Variants in NUMA1 observed in about 807,000 individuals in gnomAD.
NUMA1 encodes nuclear mitotic apparatus protein 1.
Under a neutral mutation model 237.1 loss-of-function variants are expected in NUMA1, and 62 were observed. The ratio of observed to expected loss-of-function variants is 0.26; its 90% CI spans 0.21 to 0.32. The LOEUF is 0.32. NUMA1 is among the 10% of genes least tolerant of loss of function. NUMA1 has a pLI of 1.00. For missense variants in NUMA1, 2,533 were observed against 2,666.5 expected, an observed-to-expected ratio of 0.95 and a Z score of 1.10; for synonymous variants, 1,028 against 1,066.1, an observed-to-expected ratio of 0.96 and a Z score of 0.70.
chr11:72,014,031 C>A lies in NUMA1; in HGVS notation c.3472G>T (p.Ala1158Ser), dbSNP rs780335272. ...GTCTCCAGAGCACTGTCCCGCTCAG[C>A]CCGGGAGGCCCGCTCAGCCTCGAGG... is the stretch of plus-strand genomic sequence containing the variant. ...RSLEAERASR[A>S]ERDSALETLQ... is the part of the protein sequence containing the mutation. The change falls in exon 15 of 27, where the codon GCT (alanine) becomes TCT (serine). Residue 1158 changes from alanine to serine, a missense_variant. Physicochemically the swap from Ala to Ser is moderately conservative, Grantham distance 99. Transcript: ENST00000393695. This position sits in a 1 kb window ranked among gnomAD's most constrained non-coding sequence, Gnocchi z 4.6. 2 of 1,611,284 alleles carry A rather than the reference C, an allele frequency of 1.2e-6. No individual in the cohort carries two copies. The highest frequency in any genetic ancestry group is 1.3e-5 in the African/African-American group (1 of 75,042).
chr11:72,048,173 C>T (rs4945435), intron 2 of NUMA1, among the ~76,000 whole-genome samples: 132,210 of 152,116 alleles, frequency 0.87, 57,972 homozygotes, highest in Non-Finnish European at 0.95. Context: ...CTCCGCTCAC[C>T]GCAACCTCTG....
chr11:72,037,942 T>C (rs1306560167), intron 2 of NUMA1, among the ~76,000 whole-genome samples: 2 of 152,162 alleles, frequency 1.3e-5, no homozygotes, highest in African/African-American at 2.4e-5. Context: ...CCCCAACTAC[T>C]GCACTGCAAT....
intron 16 of NUMA1, among the ~76,000 whole-genome samples, chr11:72,011,227 C>T (rs1034973152): frequency 2.0e-5 from 3 of 152,224 alleles, no homozygotes; most frequent in African/African-American, 7.2e-5. Context: ...AGGACCTAGT[C>T]TGTAATTCTA....
In NUMA1 at chr11:72,008,965, AC is replaced by A. The variant is rs752319554; in HGVS notation, c.5058+1del. ...AGGTGAGTCTGCCAGCCAAATTCTT[AC>A]CTGTGCCTCCAGGCTGCGCACCTGG... is the stretch of plus-strand genomic sequence containing the variant. On this transcript the variant is annotated splice_donor_variant, in intron 19 of 26. Transcript: ENST00000393695. LOFTEE classifies it high-confidence loss of function. The A allele has an allele frequency of 6.2e-7, 1 of 1,613,808 alleles. No individual in the cohort carries two copies. The highest frequency in any genetic ancestry group is 1.1e-5 in the South Asian group (1 of 91,074).
At chr11:72,047,852 T>A (rs1942088894) in intron 2 of NUMA1, 1 of 152,212 alleles carries the variant, frequency 6.6e-6, no homozygotes, top group Admixed American at 6.5e-5. Context: ...TATTTTACTT[T>A]ATTTTTTTAA....
intron 2 of NUMA1, chr11:72,042,213 A>C (rs1941727198): frequency 1.3e-5 from 2 of 152,456 alleles, no homozygotes; most frequent in South Asian, 4.1e-4. Context: ...CCAAGGCTGA[A>C]AGGGAAGCCC....
rs1353729709 is a variant in NUMA1, at chr11:72,014,119, C to T, written c.3384G>A (p.Glu1128=). ...GGCATTGCTGTTCCAGCTTGCTCAC[C>T]TCTGCCCGCAGTGCCTCCAGCTTGG... ...TGPKLEALRA[E]VSKLEQQCQK... is the part of the protein sequence containing the mutation. The change falls in exon 15 of 27, where the codon GAG becomes GAA. Residue 1128 remains glutamate (E), a synonymous_variant. Transcript: ENST00000393695. The surrounding 1 kb of genome is among the most constrained non-coding windows in gnomAD (Gnocchi z 4.6). 1 of 1,612,028 alleles carries T rather than the reference C, an allele frequency of 6.2e-7. No homozygotes were observed. Among genetic ancestry groups the T allele is most frequent in the South Asian group, 1.1e-5 (1 of 91,094 alleles).
chr11:72,031,972 TAAAAAA>T (rs34502837), intron 3 of NUMA1, among the ~76,000 whole-genome samples: 1 of 67,738 alleles, frequency 1.5e-5, no homozygotes, highest in Non-Finnish European at 3.5e-5. Flanking sequence ...CCCAAAAAAT[TAAAAAA>T]AAAAAAAAAA....
intron 2 of NUMA1, among the ~76,000 whole-genome samples, chr11:72,049,258 C>T (rs1291624025): frequency 6.6e-6 from 1 of 151,968 alleles, no homozygotes; most frequent in African/African-American, 2.4e-5. Flanking sequence ...AGGGGGAATA[C>T]TCTTACTGGA....
At chr11:72,012,810 GC>G (rs1238400451) in intron 15 of NUMA1, 84 bp downstream of exon 15, 1 of 1,532,276 alleles carries the variant, frequency 6.5e-7, no homozygotes, top group Non-Finnish European at 8.8e-7. Flanking sequence ...CAGTGTAGGA[GC>G]TAGAGGCCCT....
intron 2 of NUMA1, among the ~76,000 whole-genome samples, chr11:72,064,879 G>GC (rs1272482412): frequency 5.3e-5 from 8 of 152,092 alleles, no homozygotes; most frequent in Admixed American, 2.6e-4. Context: ...TTATGGTATG[G>GC]CCCCATTTTT....
intron 2 of NUMA1, among the ~76,000 whole-genome samples, chr11:72,055,340 G>C (rs1942578032): frequency 6.6e-6 from 1 of 152,090 alleles, no homozygotes; most frequent in South Asian, 2.1e-4. Flanking sequence ...ATGAAGTCCA[G>C]AAAAGTTAAG....
rs753935769 is a variant in NUMA1 at position 72,016,497 on chromosome 11, C to G, written c.1153G>C (p.Gly385Arg). The G allele has an allele frequency of 7.4e-6, 12 of 1,613,888 alleles. No individual in the cohort carries two copies. In the East Asian group the frequency reaches 1.8e-4, roughly 24 times the overall value. Residue 385 changes from glycine (G) to arginine (R), a missense_variant, in exon 14 of 27, where the codon GGA (glycine) becomes CGA (arginine). By Grantham distance (125) the Gly-to-Arg change is moderately radical (BLOSUM62 -2). Transcript: ENST00000393695. The stretch of plus-strand genomic sequence containing the variant: ...TGTTCTTCCAGCTGTGAAAGTTTTC[C>G]CTGAAGGATTTCGTTCTTCTCTTCA... ...CLEEKNEILQ[G>R]KLSQLEEHLS... is the part of the protein sequence containing the mutation.
chr11:72,008,716 C>T lies in NUMA1; in HGVS notation c.5188G>A (p.Glu1730Lys), dbSNP rs1407048322. ...GTGATACTGAGTGGGGTCCCCTCCT[C>T]GCAGCTCAGATCCAGGCTGTCAATA... ...LSIDSLDLSC[E>K]EGTPLSITSK... The change falls in exon 20 of 27, where the codon GAG becomes AAG. Residue 1730 changes from glutamate (E) to lysine (K), a missense_variant. By Grantham distance (56) the Glu-to-Lys change is moderately conservative (BLOSUM62 1). Coordinates refer to ENST00000393695, the MANE Select transcript of NUMA1 (RefSeq NM_006185.4). 6 of 1,614,040 alleles carry T rather than the reference C, an allele frequency of 3.7e-6. No individual in the cohort carries two copies. Among genetic ancestry groups the T allele is most frequent in the Admixed American group, 1.7e-5 (1 of 60,002 alleles).
chr11:72,067,985 T>C (rs1943274197), intron 2 of NUMA1: 1 of 152,238 alleles, frequency 6.6e-6, no homozygotes, highest in Admixed American at 6.5e-5. Flanking sequence ...TCTTCCTGCC[T>C]ACCTTTTTTC....
intron 1 of NUMA1, among the ~76,000 whole-genome samples, chr11:72,079,221 G>A (rs559291362): frequency 6.6e-6 from 1 of 152,262 alleles, no homozygotes; most frequent in South Asian, 2.1e-4. Context: ...TATCTAGAAG[G>A]GCAGACAAAC....
chr11:72,049,554 A>ATT (rs1942194103), intron 2 of NUMA1: 2 of 8,458 alleles, frequency 2.4e-4, no homozygotes, highest in South Asian at 2.5e-3. Context: ...AAAAAAAAAT[A>ATT]ATAATAATAT....
chr11:72,015,848 T>G lies in NUMA1; in HGVS notation c.1655A>C (p.Gln552Pro). Residue 552 changes from glutamine (Q) to proline (P), a missense_variant, in exon 15 of 27, where the codon CAG becomes CCG. Transcript: ENST00000393695. This position sits in a 1 kb window ranked among gnomAD's most constrained non-coding sequence, Gnocchi z 4.0. ...QEQASQGLRH[Q>P]VEQLSSSLKQ... ...CAGGCTACTGCTTAGCTGCTCCACC[T>G]GGTGGCGGAGGCCCTGGGAGGCCTG... 1 of 1,614,160 alleles carries G rather than the reference T, an allele frequency of 6.2e-7. No homozygotes were observed. The highest frequency in any genetic ancestry group is 1.1e-5 in the South Asian group (1 of 91,086).
intron 2 of NUMA1, chr11:72,065,538 G>A (rs1204020014): frequency 6.6e-6 from 1 of 152,126 alleles, no homozygotes; most frequent in Non-Finnish European, 1.5e-5. Flanking sequence ...ACAAAATACT[G>A]AAAGAAAATA....
Sources: gnomAD v4.1 joint callset for allele counts (sites outside exome capture counted in the v4.1 genomes callset) on GRCh38, gnomAD v4.1.1 for gene constraint, Gnocchi (gnomAD v3.1) non-coding constraint, MANE v1.5 for transcripts, NCBI Gene and HGNC (gene_info 2026-07-23, HGNC 2026-07-21) for gene names.